Variants in CFAP221 observed in about 807,000 individuals in gnomAD.
CFAP221 encodes cilia and flagella associated protein 221, also known as cilia- and flagella-associated protein 221.
A neutral mutation model predicts 113.1 loss-of-function variants in CFAP221; 97 were observed. The ratio of observed to expected loss-of-function variants is 0.86; its 90% CI spans 0.73 to 1.02. The LOEUF is 1.02. Among genes scored for constraint, CFAP221 ranks in the 50% least tolerant of loss-of-function variants. The pLI is 0.00. For missense variants in CFAP221, 1,025 were observed against 1,013.4 expected (o/e 1.01, Z -0.16); for synonymous variants, 331 against 354.4 (o/e 0.93, Z 0.74).
intron 12 of CFAP221, among the ~76,000 whole-genome samples, chr2:119,611,009 G>A (rs1047608192): frequency 1.3e-5 from 2 of 152,090 alleles, no homozygotes; most frequent in African/African-American, 4.8e-5. Context: ...GGCAGGTGAA[G>A]GAAGGAGAGC....
In CFAP221 at chr2:119,549,202, T is replaced by C; in HGVS notation, c.240+17T>C. The stretch of plus-strand genomic sequence containing the variant: ...CAGATTCTGGTAGGTACTTTTTAAA[T>C]GGGATAATTAATCATCATAATGAAG... On this transcript the variant is annotated intron_variant, in intron 3 of 23. Coordinates refer to ENST00000413369, the MANE Select transcript of CFAP221 (RefSeq NM_001271049.2). The C allele has an allele frequency of 6.8e-7, 1 of 1,475,458 alleles. No homozygotes were observed. 91.4% of individuals were successfully genotyped at this position (1,475,458 alleles called of 1,614,324 possible). A position where few individuals can be genotyped will look rare whatever the true frequency, so the allele number is the denominator to read the frequency against.
chr2:119,653,773 C>A (rs1688268683), intron 23 of CFAP221, among the ~76,000 whole-genome samples: 1 of 152,170 alleles, frequency 6.6e-6, no homozygotes, highest in Admixed American at 6.5e-5. Flanking sequence ...GTTAGAGCTG[C>A]CTGCATTCAA....
At chr2:119,657,982 T>G (rs115098693), downstream of CFAP221, among the ~76,000 whole-genome samples, 48 of 152,330 alleles carry the variant, frequency 3.2e-4, no homozygotes, top group African/African-American at 9.1e-4. Context: ...TCTGCCAAGT[T>G]TCTCCACTGG....
At chr2:119,566,279 A>G (rs962312951) in intron 6 of CFAP221, among the ~76,000 whole-genome samples, 1 of 152,146 alleles carries the variant, frequency 6.6e-6, no homozygotes, top group African/African-American at 2.4e-5. Flanking sequence ...ACTCTACTAA[A>G]AGTGAGTCGG....
chr2:119,592,044 A>C (rs1683633522), intron 7 of CFAP221, among the ~76,000 whole-genome samples: 1 of 152,224 alleles, frequency 6.6e-6, no homozygotes, highest in African/African-American at 2.4e-5. Context: ...TACCAAATCC[A>C]AGTTGAAAAA....
chr2:119,602,225 C>T (rs1684411101), intron 8 of CFAP221, among the ~76,000 whole-genome samples: 2 of 152,066 alleles, frequency 1.3e-5, no homozygotes, highest in South Asian at 4.1e-4. Flanking sequence ...ACTAAAAATA[C>T]AAAAATTACC....
intron 6 of CFAP221, among the ~76,000 whole-genome samples, chr2:119,562,881 G>A (rs1025213858): frequency 6.6e-6 from 1 of 152,140 alleles, no homozygotes; most frequent in Non-Finnish European, 1.5e-5. Flanking sequence ...AGTGGGCCTG[G>A]TGGCTCACGC....
chr2:119,606,986 T>C (rs559714733), intron 11 of CFAP221, among the ~76,000 whole-genome samples: 2 of 152,250 alleles, frequency 1.3e-5, no homozygotes, highest in East Asian at 3.9e-4. Context: ...CCCAAAATAC[T>C]TCAGTATGTA....
chr2:119,603,935 C>T (rs1684539683), intron 8 of CFAP221, among the ~76,000 whole-genome samples: 1 of 152,204 alleles, frequency 6.6e-6, no homozygotes. Flanking sequence ...TGTCCAAAGT[C>T]AGTTTCTAAT....
chr2:119,605,263 C>A lies in CFAP221; in HGVS notation c.1107C>A (p.His369Gln), dbSNP rs752797632. ...AACAGAAAGTCAGACAGGACATTCA[C>A]GAAGAGATGGAAAATCATCTTAAGT... ...LFEQKVRQDI[H>Q]EEMENHLKWQ... The change falls in exon 11 of 24, where the codon CAC (histidine) becomes CAA (glutamine). Residue 369 changes from histidine to glutamine, a missense_variant. His to Gln is a conservative substitution (Grantham distance 24). Transcript: ENST00000413369. 1 of 1,613,602 alleles carries A rather than the reference C, an allele frequency of 6.2e-7. No individual in the cohort carries two copies. The highest frequency in any genetic ancestry group is 1.3e-5 in the African/African-American group (1 of 74,884).
intron 6 of CFAP221, among the ~76,000 whole-genome samples, chr2:119,571,772 C>T (rs1682077043): frequency 6.6e-6 from 1 of 152,206 alleles, no homozygotes; most frequent in Non-Finnish European, 1.5e-5. Context: ...AACTACTTCA[C>T]AGCTAAAAAA....
At chr2:119,610,847 G>C (rs1685098439) in intron 12 of CFAP221, among the ~76,000 whole-genome samples, 1 of 152,130 alleles carries the variant, frequency 6.6e-6, no homozygotes, top group South Asian at 2.1e-4. Context: ...ACACAGATAG[G>C]CAAAAACTAA....
Position 119,627,687 on chromosome 2 carries a change from C to A in CFAP221, c.1551C>A (p.Ile517=), listed in dbSNP as rs769686965. The A allele has an allele frequency of 1.1e-4, 175 of 1,613,606 alleles. 7 individuals are homozygous for A. In the South Asian group the frequency reaches 1.9e-3, roughly 17 times the overall value. The change falls in exon 16 of 24, where the codon ATC becomes ATA. Residue 517 remains isoleucine, a synonymous_variant. Transcript: ENST00000413369. ...ANFFKFFLRR[I]SQDDYTSRFS... ...TCTTCAAATTCTTCCTGAGGCGGAT[C>A]AGTCAGGATGATTATACCAGCCGGT...
intron 15 of CFAP221, among the ~76,000 whole-genome samples, 194 bp from the exon 16 acceptor site, chr2:119,627,457 GAT>G (rs1686391720): frequency 6.6e-6 from 1 of 151,368 alleles, no homozygotes; most frequent in African/African-American, 2.4e-5. Context: ...TGGAAATAAA[GAT>G]AAAATTTTTT....
In CFAP221 at chr2:119,627,652, G is replaced by T; in HGVS notation, c.1517-1G>T. ...AAAAGTGCCCTTTTTTTCACCCATAGAGGCGAATTTCTTCAAATTCTTCCT... is the reference window on the plus strand; with the variant it reads ...AAAAGTGCCCTTTTTTTCACCCATATAGGCGAATTTCTTCAAATTCTTCCT... On this transcript the variant is annotated splice_acceptor_variant, in intron 15 of 23. Transcript: ENST00000413369. LOFTEE classifies it high-confidence loss of function. 6.2e-7 allele frequency: 1 copy of T among 1,612,240 alleles called. No homozygotes were observed. Among genetic ancestry groups the T allele is most frequent in the Non-Finnish European group, 8.5e-7 (1 of 1,179,366 alleles).
At chr2:119,596,372 T>G (rs762966924) in intron 7 of CFAP221, among the ~76,000 whole-genome samples, 3 of 152,166 alleles carry the variant, frequency 2.0e-5, no homozygotes, top group Non-Finnish European at 4.4e-5. Context: ...GGGTGCTGTC[T>G]CCGCGATGTT....
intron 3 of CFAP221, among the ~76,000 whole-genome samples, chr2:119,551,080 G>A (rs1159146964): frequency 1.3e-5 from 2 of 152,234 alleles, no homozygotes; most frequent in East Asian, 1.9e-4. Context: ...GCATGTAGCA[G>A]TACTTTATCC....
At chr2:119,567,518 C>A (rs1301418456) in intron 6 of CFAP221, among the ~76,000 whole-genome samples, 1 of 152,138 alleles carries the variant, frequency 6.6e-6, no homozygotes, top group African/African-American at 2.4e-5. Flanking sequence ...ATTCATCCAC[C>A]TACTGAATGG....
chr2:119,588,068 G>C (rs1189684888), intron 7 of CFAP221, among the ~76,000 whole-genome samples: 1 of 152,160 alleles, frequency 6.6e-6, no homozygotes, highest in Non-Finnish European at 1.5e-5. Flanking sequence ...GTTTTCAGCT[G>C]TGTGGGCCTA....
Sources: allele counts gnomAD v4.1 joint callset (sites outside exome capture counted in the v4.1 genomes callset), GRCh38; gene constraint gnomAD v4.1.1; transcripts MANE v1.5; gene names NCBI Gene and HGNC (gene_info 2026-07-23, HGNC 2026-07-21).